ZNF777: variants seen among roughly 807,000 people sequenced by gnomAD.
ZNF777 encodes zinc finger protein 777.
Under a neutral mutation model 72.1 loss-of-function variants are expected in ZNF777, and 7 were observed. That is an observed-to-expected ratio of 0.10 (90% confidence interval 0.06 to 0.18). The LOEUF is 0.18. Among genes scored for constraint, ZNF777 ranks in the 10% least tolerant of loss-of-function variants. The pLI, the probability that ZNF777 is intolerant of heterozygous loss-of-function variation, is 1.00. For missense variants in ZNF777, 828 were observed against 1,128.6 expected, an observed-to-expected ratio of 0.73 and a Z score of 3.82; for synonymous variants, 545 against 483.5, an observed-to-expected ratio of 1.13 and a Z score of -1.67.
At chr7:149,437,245 G>A (rs1434740426) in intron 4 of ZNF777, among the ~76,000 whole-genome samples, 1 of 152,062 alleles carries the variant, frequency 6.6e-6, no homozygotes, top group Non-Finnish European at 1.5e-5. Flanking sequence ...CAAAGTGCTG[G>A]GATGACAGGC....
In ZNF777 at chr7:149,460,126, A is replaced by C; in HGVS notation, c.-16+689T>G. 2.0e-6 allele frequency: 2 copies of C among 980,648 alleles called. No individual in the cohort carries two copies. The highest frequency in any genetic ancestry group is 2.4e-6 in the Non-Finnish European group (2 of 828,112). 60.7% of individuals were successfully genotyped at this position (980,648 alleles called of 1,614,324 possible). A position where few individuals can be genotyped will look rare whatever the true frequency, so the allele number is the denominator to read the frequency against. ...TGCGCGCGCGGGCCGCCCTCACAGG[A>C]GCCGGGGCCGCCTCGGCCATGGCCC... On this transcript the variant is annotated intron_variant, in intron 1 of 5. Transcript: ENST00000247930. This position sits in a 1 kb window ranked among gnomAD's most constrained non-coding sequence, Gnocchi z 6.1.
intron 4 of ZNF777, among the ~76,000 whole-genome samples, chr7:149,447,109 T>A (rs774379155): frequency 6.6e-6 from 1 of 152,160 alleles, no homozygotes; most frequent in Admixed American, 6.5e-5. Context: ...TGGCTGCAGA[T>A]GAAAATCACC....
chr7:149,448,492 T>A (rs866549039), intron 4 of ZNF777, among the ~76,000 whole-genome samples: 9 of 40,608 alleles, frequency 2.2e-4, no homozygotes, highest in African/African-American at 5.6e-4. Flanking sequence ...AAACTATATA[T>A]ATATATATAT....
In ZNF777 at chr7:149,436,545, C is replaced by A; in HGVS notation, c.1339+30G>T. The stretch of plus-strand genomic sequence containing the variant: ...CCCTCTGGGAGGCCTCATGGCAACC[C>A]TTCCCCGGCCGTCCCCGCCCAGCAC... On this transcript the variant is annotated intron_variant, in intron 5 of 5. Transcript: ENST00000247930. This position sits in a 1 kb window ranked among gnomAD's most constrained non-coding sequence, Gnocchi z 5.0. 1 of 1,561,216 alleles carries A rather than the reference C, an allele frequency of 6.4e-7. No homozygotes were observed. The highest frequency in any genetic ancestry group is 8.7e-7 in the Non-Finnish European group (1 of 1,151,624).
Position 149,436,897 on chromosome 7 carries a change from T to C in ZNF777, c.1088-71A>G, listed in dbSNP as rs1799421821. ...TGTTCATGCCAACTGCCCAGGTTTCTGCAGCCCTACAATTTACATCTCAAT... is the reference window on the plus strand; with the variant it reads ...TGTTCATGCCAACTGCCCAGGTTTCCGCAGCCCTACAATTTACATCTCAAT... On this transcript the variant is annotated intron_variant, in intron 4 of 5. Coordinates refer to ENST00000247930, the MANE Select transcript of ZNF777 (RefSeq NM_015694.3). The surrounding 1 kb of genome is among the most constrained non-coding windows in gnomAD (Gnocchi z 5.0). The C allele has an allele frequency of 9.1e-6, 14 of 1,539,816 alleles. No homozygotes were observed. The highest frequency in any genetic ancestry group is 1.2e-5 in the Non-Finnish European group (14 of 1,133,614).
chr7:149,437,373 A>G (rs80024705), intron 4 of ZNF777, among the ~76,000 whole-genome samples: 6,621 of 152,168 alleles, frequency 0.044, 202 homozygotes, highest in Middle Eastern at 0.082. Context: ...GCTCACTCAC[A>G]ATCAGGTCGA....
In ZNF777 at chr7:149,455,372, T is replaced by C. The variant is rs1799804151; in HGVS notation, c.651A>G (p.Glu217=). ...TCTTCTCGCAGTCGGCTATCTTCTT[T>C]TCATTTGTCCCCGTCCTGCCTTCCA... ...LTLEGRTGTN[E]KKIADCEKTA... Residue 217 remains glutamate (E), a synonymous_variant, in exon 2 of 6, where the codon GAA becomes GAG. Coordinates refer to ENST00000247930, the MANE Select transcript of ZNF777 (RefSeq NM_015694.3). This position sits in a 1 kb window ranked among gnomAD's most constrained non-coding sequence, Gnocchi z 4.2. The C allele has an allele frequency of 6.2e-7, 1 of 1,614,074 alleles. No homozygotes were observed. Among genetic ancestry groups the C allele is most frequent in the African/African-American group, 1.3e-5 (1 of 74,916 alleles).
At chr7:149,456,905 A>G (rs1799844526) in intron 1 of ZNF777, among the ~76,000 whole-genome samples, 1 of 152,156 alleles carries the variant, frequency 6.6e-6, no homozygotes, top group African/African-American at 2.4e-5. Flanking sequence ...CTATAAGCAG[A>G]GCGAGACATC....
chr7:149,455,104 A>T lies in ZNF777; in HGVS notation c.846+73T>A. 1 of 1,513,604 alleles carries T rather than the reference A, an allele frequency of 6.6e-7. No individual in the cohort carries two copies. 93.8% of individuals were successfully genotyped at this position (1,513,604 alleles called of 1,614,324 possible). A position where few individuals can be genotyped will look rare whatever the true frequency, so the allele number is the denominator to read the frequency against. On this transcript the variant is annotated intron_variant, in intron 2 of 5. Transcript: ENST00000247930. This position sits in a 1 kb window ranked among gnomAD's most constrained non-coding sequence, Gnocchi z 4.2. ...TTTATCAACCACCCCTTTCTTTCAT[A>T]TTACACTACATTCCTAAACCACACT...
At chr7:149,459,692 G>T (rs1470930971) in intron 1 of ZNF777, 9 of 985,024 alleles carry the variant, frequency 9.1e-6, no homozygotes, top group Admixed American at 1.2e-4. Flanking sequence ...GCGGGTCGCC[G>T]CCAGGTGTCT....
rs1799342084 is a variant in ZNF777 at position 149,432,766 on chromosome 7, G to A, written c.1506C>T (p.Ser502=). The A allele has an allele frequency of 6.2e-7, 1 of 1,610,530 alleles. No homozygotes were observed. The highest frequency in any genetic ancestry group is 1.7e-5 in the Admixed American group (1 of 59,846). The change falls in exon 6 of 6, where the codon AGC becomes AGT. Residue 502 remains serine, a synonymous_variant. Coordinates refer to ENST00000247930, the MANE Select transcript of ZNF777 (RefSeq NM_015694.3). ...PGEMSPEGEE[S]PPPLQLGNPA... Reference sequence around the variant, plus strand: ...GGTTTCCTAGCTGCAGGGGCGGGGGGCTCTCCTCGCCCTCGGGGGACATCT... The same window carrying A: ...GGTTTCCTAGCTGCAGGGGCGGGGGACTCTCCTCGCCCTCGGGGGACATCT...
In ZNF777 at chr7:149,432,343, G is replaced by A. The variant is rs1449880496; in HGVS notation, c.1929C>T (p.Ser643=). 6.2e-7 allele frequency: 1 copy of A among 1,610,232 alleles called. No homozygotes were observed. The part of the protein sequence containing the change: ...PKPYKCPECD[S]SFSHKSSLTK... Reference sequence around the variant, plus strand: ...TCAGGCTGGACTTGTGGCTGAAGCTGCTGTCGCACTCGGGGCACTTGTAGG... The same window carrying A: ...TCAGGCTGGACTTGTGGCTGAAGCTACTGTCGCACTCGGGGCACTTGTAGG... The change falls in exon 6 of 6, where the codon AGC becomes AGT. Residue 643 remains serine, a synonymous_variant. Coordinates refer to ENST00000247930, the MANE Select transcript of ZNF777 (RefSeq NM_015694.3).
rs1004996087 is a variant in ZNF777 at position 149,460,212 on chromosome 7, G to T, written c.-16+603C>A. 2 of 578,380 alleles carry T rather than the reference G, an allele frequency of 3.5e-6. No individual in the cohort carries two copies. Among genetic ancestry groups the T allele is most frequent in the South Asian group, 7.5e-5 (1 of 13,414 alleles). 35.8% of individuals were successfully genotyped at this position (578,380 alleles called of 1,614,324 possible). ...GCTACTGCCGCCGCCGCTACTGCGC[G>T]CGGCCCCACGCAGGCCCGGCCGCCC... On this transcript the variant is annotated intron_variant, in intron 1 of 5. Coordinates refer to ENST00000247930, the MANE Select transcript of ZNF777 (RefSeq NM_015694.3). The surrounding 1 kb of genome is among the most constrained non-coding windows in gnomAD (Gnocchi z 6.1).
chr7:149,447,134 A>T (rs1416354667), intron 4 of ZNF777, among the ~76,000 whole-genome samples: 4 of 152,196 alleles, frequency 2.6e-5, no homozygotes. Context: ...AAGCTAAAAA[A>T]TACTAACATC....
chr7:149,436,785 C>T lies in ZNF777; in HGVS notation c.1129G>A (p.Asp377Asn), dbSNP rs1421772944. 3.1e-6 allele frequency: 5 copies of T among 1,613,996 alleles called. No homozygotes were observed. Among genetic ancestry groups the T allele is most frequent in the South Asian group, 2.2e-5 (2 of 91,070 alleles). The stretch of plus-strand genomic sequence containing the variant: ...GTCTCCAAACTTTCTGAGCCCTCGT[C>T]GTTGGTCTGTACCTCGATCTTAATC... ...IVIKIEVQTN[D>N]EGSESLETPE... The change falls in exon 5 of 6, where the codon GAC becomes AAC. Residue 377 changes from aspartate (D) to asparagine (N), a missense_variant. Coordinates refer to ENST00000247930, the MANE Select transcript of ZNF777 (RefSeq NM_015694.3). This position sits in a 1 kb window ranked among gnomAD's most constrained non-coding sequence, Gnocchi z 5.0.
chr7:149,436,862 G>A lies in ZNF777; in HGVS notation c.1088-36C>T. ...GTGGGCAGGGGTGAGGAGGAGAAAA[G>A]AACCCAGAATGTTCATGCCAACTGC... On this transcript the variant is annotated intron_variant, in intron 4 of 5. Transcript: ENST00000247930. The surrounding 1 kb of genome is among the most constrained non-coding windows in gnomAD (Gnocchi z 5.0). 1 of 1,588,714 alleles carries A rather than the reference G, an allele frequency of 6.3e-7. No individual in the cohort carries two copies.
chr7:149,459,166 T>C (rs1799892079), intron 1 of ZNF777, among the ~76,000 whole-genome samples: 1 of 152,192 alleles, frequency 6.6e-6, no homozygotes, highest in Non-Finnish European at 1.5e-5. Flanking sequence ...GGGATGCTTT[T>C]TAGAAAGCTA....
intron 4 of ZNF777, among the ~76,000 whole-genome samples, chr7:149,440,797 T>C (rs1799501787): frequency 6.6e-6 from 1 of 151,566 alleles, no homozygotes; most frequent in African/African-American, 2.4e-5. Flanking sequence ...GGACTGGAAA[T>C]TGTGCCCTCA....
Position 149,455,200 on chromosome 7 carries a change from C to CG in ZNF777, c.822dup (p.Gly275ArgfsTer14), listed in dbSNP as rs759959875. ...ACCTTGGGAACTTCTCCATTGCTGC[C>CG]GGGGGGCAGCCGCAGGATCCAGAAA... On this transcript the variant is annotated frameshift_variant, in exon 2 of 6. Coordinates refer to ENST00000247930, the MANE Select transcript of ZNF777 (RefSeq NM_015694.3). LOFTEE classifies it high-confidence loss of function. The surrounding 1 kb of genome is among the most constrained non-coding windows in gnomAD (Gnocchi z 4.2). 3.1e-6 allele frequency: 5 copies of CG among 1,613,140 alleles called. No homozygotes were observed.
Sources: allele counts gnomAD v4.1 joint callset (sites outside exome capture counted in the v4.1 genomes callset), GRCh38; gene constraint gnomAD v4.1.1; non-coding constraint Gnocchi (gnomAD v3.1); transcripts MANE v1.5; gene names NCBI Gene and HGNC (gene_info 2026-07-23, HGNC 2026-07-21).